The following MYO18B variants were observed in gnomAD, a reference collection of about 807,000 sequenced individuals.
MYO18B encodes the protein unconventional myosin-XVIIIb.
In MYO18B, 204 loss-of-function variants were observed where a neutral mutation model predicts 273.0. The observed-to-expected ratio is 0.75, with a 90% CI of 0.67 to 0.84. The LOEUF (loss-of-function observed/expected upper bound fraction) is 0.84, where lower values mean the gene tolerates loss of function less well. Among genes scored for constraint, MYO18B ranks in the 40% least tolerant of loss-of-function variants. The probability of loss-of-function intolerance (pLI) is 0.00; values close to 1 mark genes in which losing one functional copy is unlikely to be tolerated. For synonymous variants in MYO18B, 1,330 were observed against 1,305.7 expected, an observed-to-expected ratio of 1.02 and a Z score of -0.40; for missense variants, 3,212 against 3,287.6, an observed-to-expected ratio of 0.98 and a Z score of 0.56.
At chr22:25,984,475 A>G (rs2093180270) in intron 39 of MYO18B, among the ~76,000 whole-genome samples, 1 of 152,202 alleles carries the variant, frequency 6.6e-6, no homozygotes, top group South Asian at 2.1e-4. Flanking sequence ...TACCATTTCT[A>G]GGAGGATTGG....
intron 23 of MYO18B, among the ~76,000 whole-genome samples, chr22:25,875,977 TC>T (rs753577269): frequency 2.0e-5 from 3 of 151,246 alleles, no homozygotes; most frequent in Non-Finnish European, 4.4e-5. Context: ...GCCTGACATA[TC>T]AAAAAGACTA....
rs545313577 is a variant in MYO18B, at chr22:25,825,468, T to A, written c.2696-941T>A. 2.0e-5 allele frequency among the ~76,000 whole-genome samples: 3 copies of A among 152,324 alleles called. No individual in the cohort carries two copies. The East Asian group carries it at 5.8e-4, about 29-fold the overall frequency. On this transcript the variant is annotated intron_variant, in intron 13 of 43. Coordinates refer to ENST00000335473, the MANE Select transcript of MYO18B (RefSeq NM_032608.7). ...GAATTTGTGATCTGATCCCCTACAC[T>A]CCTCACTCTGCTTTGTTCAATGCAC...
chr22:25,754,146 G>A (rs1014878342), intron 1 of MYO18B, among the ~76,000 whole-genome samples: 1 of 152,228 alleles, frequency 6.6e-6, no homozygotes, highest in Non-Finnish European at 1.5e-5. Context: ...CTCTGGAGGA[G>A]GAGTAGGGTG....
Position 25,760,839 on chromosome 22 carries a change from A to G in MYO18B, c.-109-145A>G, listed in dbSNP as rs73879528. 7.2e-3 allele frequency: 3,986 copies of G among 553,812 alleles called. 155 individuals carry two copies. Among genetic ancestry groups the G allele is most frequent in the African/African-American group, 0.068 (3,633 of 53,106 alleles). The allele number at this position is 553,812 out of a possible 1,614,324, so 34.3% of individuals were successfully genotyped here. On this transcript the variant is annotated intron_variant, in intron 1 of 43. Transcript: ENST00000335473. ...GGTCCTGCCTGACCATCCTCCTTGC[A>G]GAGGTAGCTGACAGTGTCTGTACCT...
At chr22:25,760,411 CAAAAAAAA>C (rs60732274) in intron 1 of MYO18B, among the ~76,000 whole-genome samples, 3 of 61,104 alleles carry the variant, frequency 4.9e-5, no homozygotes, top group South Asian at 8.7e-4. Flanking sequence ...GACTCCATCT[CAAAAAAAA>C]AAAAAAAAAA....
intron 22 of MYO18B, among the ~76,000 whole-genome samples, chr22:25,870,484 G>T (rs762585598): frequency 2.6e-5 from 4 of 152,180 alleles, no homozygotes; most frequent in Non-Finnish European, 4.4e-5. Context: ...CACAGAAAAA[G>T]TAGAGTAAAA....
In MYO18B at chr22:26,027,378, A is replaced by C; in HGVS notation, c.7404A>C (p.Ser2468=). Residue 2468 remains serine, a synonymous_variant, in exon 43 of 44, where the codon TCA becomes TCC. Coordinates refer to ENST00000335473, the MANE Select transcript of MYO18B (RefSeq NM_032608.7). The surrounding 1 kb of genome is among the most constrained non-coding windows in gnomAD (Gnocchi z 4.1). ...CAGCCAAAGGTGGGCAAGACGGTTC[A>C]CAGCGTTCAAGCATCCACTTTGAAA... ...AGSAKGGQDG[S]QRSSIHFETE... The C allele has an allele frequency of 6.2e-7, 1 of 1,613,994 alleles. No individual in the cohort carries two copies. The highest frequency in any genetic ancestry group is 8.5e-7 in the Non-Finnish European group (1 of 1,179,868).
intron 34 of MYO18B, among the ~76,000 whole-genome samples, chr22:25,925,388 G>A (rs1449314266): frequency 6.6e-6 from 1 of 152,124 alleles, no homozygotes; most frequent in Non-Finnish European, 1.5e-5. Context: ...TTGCAGATGA[G>A]GAAACTGTCA....
chr22:25,763,206 CTCTT>C (rs2086387215), intron 2 of MYO18B, 21 bp from the exon 3 acceptor site: 3 of 1,609,430 alleles, frequency 1.9e-6, no homozygotes, highest in Admixed American at 1.7e-5. Flanking sequence ...ACTGAGCTCT[CTCTT>C]TCCTTGCTTC....
chr22:25,753,656 C>T (rs965191057), intron 1 of MYO18B, among the ~76,000 whole-genome samples: 21 of 152,228 alleles, frequency 1.4e-4, no homozygotes, highest in Non-Finnish European at 2.9e-4. Flanking sequence ...TTCACTCCTG[C>T]AGCAGGCGAG....
chr22:25,941,776 C>G (rs947152053), intron 34 of MYO18B, among the ~76,000 whole-genome samples: 3 of 152,244 alleles, frequency 2.0e-5, no homozygotes, highest in African/African-American at 7.2e-5. Flanking sequence ...CTGGTCTGGT[C>G]TATCCAGATC....
At chr22:25,877,921 G>T (rs771324989) in intron 24 of MYO18B, 38 bp from the exon 25 acceptor site, 1 of 1,526,184 alleles carries the variant, frequency 6.6e-7, no homozygotes, top group East Asian at 2.4e-5. Flanking sequence ...TTAATCTCTG[G>T]CCTGGAATGG....
At chr22:25,876,459 C>T (rs2091201552) in intron 24 of MYO18B, 127 bp downstream of exon 24, 2 of 994,836 alleles carry the variant, frequency 2.0e-6, no homozygotes, top group Non-Finnish European at 2.8e-6. Context: ...GCCCAACAGC[C>T]TTGATGCCCC....
intron 39 of MYO18B, among the ~76,000 whole-genome samples, chr22:25,989,051 T>A (rs1372534832): frequency 6.6e-6 from 1 of 152,146 alleles, no homozygotes; most frequent in Non-Finnish European, 1.5e-5. Context: ...CCTCTTTCTG[T>A]CTCTCTCCTC....
intron 39 of MYO18B, among the ~76,000 whole-genome samples, chr22:25,958,101 G>A (rs2092875510): frequency 6.6e-6 from 1 of 151,928 alleles, no homozygotes; most frequent in South Asian, 2.1e-4. Flanking sequence ...TTTTAGTAGA[G>A]GCGGGGTTTC....
intron 12 of MYO18B, among the ~76,000 whole-genome samples, chr22:25,817,872 G>T (rs942976350): frequency 1.3e-5 from 2 of 152,150 alleles, no homozygotes; most frequent in African/African-American, 4.8e-5. Flanking sequence ...ACCACTACAA[G>T]GTGCACCTTT....
chr22:25,960,666 T>C (rs1285299247), intron 39 of MYO18B, among the ~76,000 whole-genome samples: 1 of 152,202 alleles, frequency 6.6e-6, no homozygotes, highest in Non-Finnish European at 1.5e-5. Flanking sequence ...TTTTACCCTA[T>C]TATTTTTCAA....
intron 36 of MYO18B, among the ~76,000 whole-genome samples, chr22:25,948,476 TTCTTTCTTTC>T (rs1249863498): frequency 1.0e-4 from 14 of 138,162 alleles, no homozygotes; most frequent in African/African-American, 3.8e-4. Context: ...CTTTCTTTCT[TTCTTTCTTTC>T]TCTTTCTTTC....
At chr22:25,930,523 T>TA (rs71191089) in intron 34 of MYO18B, among the ~76,000 whole-genome samples, 3 of 151,502 alleles carry the variant, frequency 2.0e-5, no homozygotes, top group African/African-American at 4.9e-5. Flanking sequence ...TTTTTTTTTT[T>TA]ATTTTGAGGC....
Sources: gnomAD v4.1 joint callset for allele counts (sites outside exome capture counted in the v4.1 genomes callset) on GRCh38, gnomAD v4.1.1 for gene constraint, Gnocchi (gnomAD v3.1) non-coding constraint, MANE v1.5 for transcripts, NCBI Gene and HGNC (gene_info 2026-07-23, HGNC 2026-07-21) for gene names.